RAD51B: variants seen among roughly 807,000 people sequenced by gnomAD.
RAD51B encodes the protein RAD51 paralog B, also known as DNA repair protein RAD51 homolog 2.
RAD51B carries 38 observed loss-of-function variants against 42.2 expected under a neutral mutation model. The ratio of observed to expected loss-of-function variants is 0.90; its 90% CI spans 0.70 to 1.18. RAD51B has a LOEUF of 1.18. Ranked by LOEUF, RAD51B falls within the 50% of genes most tolerant of loss-of-function variation. The pLI, the probability that RAD51B is intolerant of heterozygous loss-of-function variation, is 0.00. For synonymous variants in RAD51B, 154 were observed against 145.2 expected (o/e 1.06, Z -0.43); for missense variants, 373 against 400.7 (o/e 0.93, Z 0.59).
intron 11 of RAD51B, among the ~76,000 whole-genome samples, chr14:68,682,698 G>A (rs903211251): frequency 2.8e-5 from 4 of 142,926 alleles, no homozygotes; most frequent in East Asian, 2.4e-4. Flanking sequence ...CGCCCTCCCC[G>A]CCCCCCACGA....
At chr14:68,280,787 C>T (rs547207381) in intron 7 of RAD51B, among the ~76,000 whole-genome samples, 46 of 152,272 alleles carry the variant, frequency 3.0e-4, no homozygotes, top group African/African-American at 8.9e-4. Flanking sequence ...GGCAAGGTGG[C>T]TCACACCTGT....
At chr14:68,122,255 A>G (rs982224944) in intron 7 of RAD51B, among the ~76,000 whole-genome samples, 6 of 152,206 alleles carry the variant, frequency 3.9e-5, no homozygotes, top group Middle Eastern at 3.2e-3. Context: ...AAGTTTATGC[A>G]TAACAAGAAA....
chr14:67,880,035 A>C (rs950123104), intron 5 of RAD51B, among the ~76,000 whole-genome samples: 1 of 152,226 alleles, frequency 6.6e-6, no homozygotes, highest in Admixed American at 6.5e-5. Flanking sequence ...TTATGCATTT[A>C]TCACTCAGAA....
intron 8 of RAD51B, among the ~76,000 whole-genome samples, chr14:68,351,483 G>T (rs2082787855): frequency 6.6e-6 from 1 of 152,140 alleles, no homozygotes; most frequent in Admixed American, 6.5e-5. Context: ...TCTAGAGGAG[G>T]AACAACCAGG....
At chr14:68,138,721 G>A (rs965922660) in intron 7 of RAD51B, among the ~76,000 whole-genome samples, 11 of 152,218 alleles carry the variant, frequency 7.2e-5, no homozygotes, top group Non-Finnish European at 1.0e-4. Flanking sequence ...AGGTATAATT[G>A]TAAAATTATC....
At chr14:67,901,167 C>T (rs1375179286) in intron 7 of RAD51B, among the ~76,000 whole-genome samples, 2 of 152,160 alleles carry the variant, frequency 1.3e-5, no homozygotes, top group African/African-American at 4.8e-5. Flanking sequence ...AAGTTCCCTC[C>T]TAAGGATGTT....
chr14:67,826,412 C>T (rs1469430539), intron 3 of RAD51B, among the ~76,000 whole-genome samples: 1 of 152,184 alleles, frequency 6.6e-6, no homozygotes, highest in Non-Finnish European at 1.5e-5. Flanking sequence ...CTTTTTGTGT[C>T]ATGACTGTAG....
chr14:68,236,040 G>C (rs1213966476), intron 7 of RAD51B, among the ~76,000 whole-genome samples: 1 of 152,044 alleles, frequency 6.6e-6, no homozygotes, highest in East Asian at 1.9e-4. Flanking sequence ...GGGAATAACA[G>C]ACACCAGGGC....
chr14:67,987,597 T>C (rs1002646851), intron 7 of RAD51B, among the ~76,000 whole-genome samples: 49 of 152,290 alleles, frequency 3.2e-4, no homozygotes, highest in African/African-American at 1.0e-3. Context: ...TCTTTTTTTT[T>C]CCTATTTTAA....
intron 5 of RAD51B, 131 bp downstream of exon 5, chr14:67,865,270 C>A: frequency 4.3e-6 from 4 of 922,416 alleles, no homozygotes; most frequent in Non-Finnish European, 5.8e-6. Context: ...TGGAGTCTTG[C>A]TCTGTTGCCG....
intron 9 of RAD51B, among the ~76,000 whole-genome samples, chr14:68,444,709 A>G (rs1003794943): frequency 6.6e-6 from 1 of 152,202 alleles, no homozygotes; most frequent in African/African-American, 2.4e-5. Context: ...CATTTGCTGT[A>G]TTTTGTCACA....
At chr14:68,484,816 T>C (rs1446438846) in intron 10 of RAD51B, among the ~76,000 whole-genome samples, 3 of 152,174 alleles carry the variant, frequency 2.0e-5, no homozygotes, top group Admixed American at 1.3e-4. Context: ...TCTTTACATG[T>C]CTGCCCAGGG....
At chr14:68,206,972 A>C (rs908865839) in intron 7 of RAD51B, among the ~76,000 whole-genome samples, 3 of 151,732 alleles carry the variant, frequency 2.0e-5, no homozygotes, top group Non-Finnish European at 4.4e-5. Context: ...TTATATTTTT[A>C]GTAGAGACAG....
chr14:68,594,157 T>C (rs1206320532), intron 10 of RAD51B, among the ~76,000 whole-genome samples: 1 of 151,588 alleles, frequency 6.6e-6, no homozygotes, highest in Non-Finnish European at 1.5e-5. Context: ...TTTGAGAGCT[T>C]GTTCCAGGAC....
intron 7 of RAD51B, among the ~76,000 whole-genome samples, chr14:67,953,848 T>C (rs2074499686): frequency 6.6e-6 from 1 of 152,030 alleles, no homozygotes. Context: ...ATTAAGAAGA[T>C]GTATTAAGTG....
rs77267618 is a variant in RAD51B at position 68,518,718 on chromosome 14, G to A, written c.1036+50468G>A. Reference sequence around the variant, plus strand: ...GTTTGAAACCCCTTCCCTGCTGAAAGCTGGGTTGAACAAGGTTAGCAGCGT... The same window carrying A: ...GTTTGAAACCCCTTCCCTGCTGAAAACTGGGTTGAACAAGGTTAGCAGCGT... On this transcript the variant is annotated intron_variant, in intron 10 of 10. Transcript: ENST00000487270. Among the ~76,000 whole-genome samples, 89 of 152,346 alleles carry A rather than the reference G, an allele frequency of 5.8e-4. No individual in the cohort carries two copies. The East Asian group carries it at 0.017, about 28-fold the overall frequency.
chr14:68,529,943 T>C (rs111779709), intron 10 of RAD51B, among the ~76,000 whole-genome samples: 2 of 151,796 alleles, frequency 1.3e-5, no homozygotes, highest in African/African-American at 4.8e-5. Context: ...AAAGAATGAA[T>C]TAAAAAGATA....
chr14:67,899,215 T>G (rs1007712553), intron 7 of RAD51B, among the ~76,000 whole-genome samples: 2 of 151,650 alleles, frequency 1.3e-5, no homozygotes, highest in African/African-American at 4.8e-5. Flanking sequence ...GCTAATTTTT[T>G]TTTTTTTATA....
chr14:68,408,175 G>A (rs1449433386), intron 8 of RAD51B, among the ~76,000 whole-genome samples: 1 of 152,176 alleles, frequency 6.6e-6, no homozygotes, highest in Non-Finnish European at 1.5e-5. Flanking sequence ...TAAGGGTGAG[G>A]TAGGAGAAAT....
Sources: allele counts gnomAD v4.1 joint callset (sites outside exome capture counted in the v4.1 genomes callset), GRCh38; gene constraint gnomAD v4.1.1; transcripts MANE v1.5; gene names NCBI Gene and HGNC (gene_info 2026-07-23, HGNC 2026-07-21).